The following THADA variants were observed in gnomAD, a reference collection of about 807,000 sequenced individuals.
THADA encodes the protein tRNA (32-2'-O)-methyltransferase regulator THADA.
A neutral mutation model predicts 219.8 loss-of-function variants in THADA; 213 were observed. The observed-to-expected ratio is 0.97, with a 90% CI of 0.87 to 1.09. THADA has a LOEUF of 1.09. THADA is among the 50% of genes least tolerant of loss of function. The pLI, the probability that THADA is intolerant of heterozygous loss-of-function variation, is 0.00. For missense variants in THADA, 2,956 were observed against 2,311.3 expected (o/e 1.28, Z -5.72); for synonymous variants, 1,018 against 828.9 (o/e 1.23, Z -3.92).
At chr2:43,451,555 G>A (rs1345845162) in intron 26 of THADA, among the ~76,000 whole-genome samples, 2 of 152,152 alleles carry the variant, frequency 1.3e-5, no homozygotes, top group African/African-American at 4.8e-5. Context: ...CACCCAGAAT[G>A]GTGTCTAGTA....
At chr2:43,490,902 G>T (rs1462638907) in intron 25 of THADA, among the ~76,000 whole-genome samples, 1 of 152,074 alleles carries the variant, frequency 6.6e-6, no homozygotes, top group Non-Finnish European at 1.5e-5. Flanking sequence ...TACTGTAATT[G>T]ATTTTTATAG....
intron 21 of THADA, among the ~76,000 whole-genome samples, chr2:43,534,741 G>C (rs941500705): frequency 6.6e-6 from 1 of 151,976 alleles, no homozygotes; most frequent in Admixed American, 6.6e-5. Context: ...GGTTGATTAC[G>C]TACCTTGTGT....
intron 26 of THADA, among the ~76,000 whole-genome samples, chr2:43,470,442 G>C (rs542726576): frequency 6.6e-6 from 1 of 152,086 alleles, no homozygotes; most frequent in South Asian, 2.1e-4. Context: ...GAATTATCAA[G>C]TAAACTACGA....
intron 29 of THADA, among the ~76,000 whole-genome samples, chr2:43,388,362 G>C (rs990622458): frequency 6.6e-6 from 1 of 152,142 alleles, no homozygotes; most frequent in Admixed American, 6.5e-5. Flanking sequence ...GTCATATGAA[G>C]TCTCAGACAG....
intron 10 of THADA, among the ~76,000 whole-genome samples, chr2:43,575,343 G>C (rs1350254043): frequency 6.6e-6 from 1 of 152,170 alleles, no homozygotes; most frequent in African/African-American, 2.4e-5. Context: ...CCAGCTACTT[G>C]GGAAGCTGAG....
intron 26 of THADA, among the ~76,000 whole-genome samples, chr2:43,446,139 T>C (rs1167119049): frequency 6.6e-6 from 1 of 152,244 alleles, no homozygotes; most frequent in African/African-American, 2.4e-5. Context: ...GAATTCTTTT[T>C]TAGAAAATGT....
At chr2:43,402,356 T>C (rs1045918123) in intron 28 of THADA, among the ~76,000 whole-genome samples, 1 of 152,158 alleles carries the variant, frequency 6.6e-6, no homozygotes, top group Admixed American at 6.5e-5. Flanking sequence ...CTGCAACAGA[T>C]GAAGGATCTT....
In THADA at chr2:43,529,156, T is replaced by TA. The variant is rs397741585; in HGVS notation, c.3265-1169dup. On this transcript the variant is annotated intron_variant, in intron 21 of 37. Coordinates refer to ENST00000405975, the MANE Select transcript of THADA (RefSeq NM_022065.5). ...GACAAATAACAAATATGACTTTTTT[T>TA]AAAAAAAAAAAAACAGGGTCTGGTC... 9.4e-3 allele frequency among the ~76,000 whole-genome samples: 1,354 copies of TA among 144,070 alleles called. 15 individuals are homozygous for TA. The highest frequency in any genetic ancestry group is 0.024 in the African/African-American group (954 of 39,644). The allele number at this position is 144,070 out of a possible 152,430, so 94.5% of individuals were successfully genotyped here.
chr2:43,308,522 T>C (rs755537264), intron 31 of THADA, among the ~76,000 whole-genome samples: 4 of 151,934 alleles, frequency 2.6e-5, no homozygotes, highest in African/African-American at 7.3e-5. Flanking sequence ...CTGGGCAACA[T>C]AGTGAGACCT....
At chr2:43,337,289 A>G (rs1666564891) in intron 30 of THADA, among the ~76,000 whole-genome samples, 1 of 152,164 alleles carries the variant, frequency 6.6e-6, no homozygotes, top group Non-Finnish European at 1.5e-5. Context: ...ACTGAAGAAC[A>G]ATCTGTACCC....
rs538766970 is a variant in THADA, at chr2:43,530,335, A to G, written c.3265-2347T>C. 9.2e-5 allele frequency among the ~76,000 whole-genome samples: 14 copies of G among 152,320 alleles called. No homozygotes were observed. The South Asian group carries it at 2.9e-3, about 32-fold the overall frequency. ...GTCTTCAATGTGGTAATTTCAGAGC[A>G]TTGTTTGAACAGAATTATCAAGGCT... On this transcript the variant is annotated intron_variant, in intron 21 of 37. Coordinates refer to ENST00000405975, the MANE Select transcript of THADA (RefSeq NM_022065.5).
intron 28 of THADA, among the ~76,000 whole-genome samples, chr2:43,426,436 T>C (rs1678433445): frequency 6.6e-6 from 1 of 152,228 alleles, no homozygotes; most frequent in Non-Finnish European, 1.5e-5. Flanking sequence ...TTGCATCAAC[T>C]TTCTGAAAAC....
intron 26 of THADA, among the ~76,000 whole-genome samples, chr2:43,443,893 T>G (rs1322038755): frequency 6.6e-6 from 1 of 152,020 alleles, no homozygotes; most frequent in Non-Finnish European, 1.5e-5. Context: ...AGAGCAAGAG[T>G]GGCGGTAACC....
At chr2:43,358,857 G>C (rs1669167199) in intron 29 of THADA, among the ~76,000 whole-genome samples, 1 of 152,166 alleles carries the variant, frequency 6.6e-6, no homozygotes. Flanking sequence ...TTCGGTTGCA[G>C]CTTATTTCAA....
At chr2:43,443,589 A>ACCAGCCT (rs1681127751) in intron 26 of THADA, among the ~76,000 whole-genome samples, 3 of 152,350 alleles carry the variant, frequency 2.0e-5, no homozygotes, top group Admixed American at 6.5e-5. Context: ...AAACAATAAA[A>ACCAGCCT]GTGATAGCCA....
At chr2:43,450,501 A>C (rs916880117) in intron 26 of THADA, among the ~76,000 whole-genome samples, 1 of 152,186 alleles carries the variant, frequency 6.6e-6, no homozygotes, top group Non-Finnish European at 1.5e-5. Flanking sequence ...TATAGAATAT[A>C]CACAAACACA....
rs908544557 is a variant in THADA at position 43,256,885 on chromosome 2, C to T, written c.5296+22880G>A. Among the ~76,000 whole-genome samples, 7 of 152,246 alleles carry T rather than the reference C, an allele frequency of 4.6e-5. No individual in the cohort carries two copies. The East Asian group carries it at 9.7e-4, about 21-fold the overall frequency. On this transcript the variant is annotated intron_variant, in intron 36 of 37. Coordinates refer to ENST00000405975, the MANE Select transcript of THADA (RefSeq NM_022065.5). Reference sequence around the variant, plus strand: ...CGAGCCACTACACCTGGCCAACATTCGTTTTTATTCATATTTTAATACAAA... The same window carrying T: ...CGAGCCACTACACCTGGCCAACATTTGTTTTTATTCATATTTTAATACAAA...
intron 13 of THADA, 53 bp downstream of exon 13, chr2:43,571,654 A>G: frequency 6.4e-7 from 1 of 1,553,056 alleles, no homozygotes. Context: ...TTTAAAAACG[A>G]TTTCCCAAAC....
chr2:43,244,047 A>G (rs963357095), intron 36 of THADA, among the ~76,000 whole-genome samples: 5 of 152,220 alleles, frequency 3.3e-5, no homozygotes, highest in African/African-American at 1.2e-4. Context: ...TCAACAATAC[A>G]TTCCAAAAAA....
Sources: allele counts gnomAD v4.1 joint callset (sites outside exome capture counted in the v4.1 genomes callset), GRCh38; gene constraint gnomAD v4.1.1; transcripts MANE v1.5; gene names NCBI Gene and HGNC (gene_info 2026-07-23, HGNC 2026-07-21).